The following PILRA variants were observed in gnomAD, a reference collection of about 807,000 sequenced individuals.
The protein encoded by PILRA is paired immunoglobin like type 2 receptor alpha.
PILRA carries 37 observed loss-of-function variants against 33.1 expected under a neutral mutation model. The ratio of observed to expected loss-of-function variants is 1.12; its 90% CI spans 0.86 to 1.47. The LOEUF (loss-of-function observed/expected upper bound fraction) is 1.47, where lower values mean the gene tolerates loss of function less well. Among genes scored for constraint, PILRA ranks in the 40% most tolerant of loss-of-function variants. The probability of loss-of-function intolerance (pLI) is 0.00; values close to 1 mark genes in which losing one functional copy is unlikely to be tolerated. For synonymous variants in PILRA, 146 were observed against 149.9 expected, an observed-to-expected ratio of 0.97 and a Z score of 0.19; for missense variants, 312 against 376.2, an observed-to-expected ratio of 0.83 and a Z score of 1.41.
intron 2 of PILRA, among the ~76,000 whole-genome samples, chr7:100,377,193 C>G (rs147586405): frequency 3.3e-4 from 50 of 150,442 alleles, no homozygotes; most frequent in African/African-American, 1.2e-3. Flanking sequence ...CTTTTGTAAC[C>G]AAACCTAATT....
chr7:100,373,968 A>G lies in PILRA; in HGVS notation c.65-76A>G, dbSNP rs1291518126. 6 of 1,553,146 alleles carry G rather than the reference A, an allele frequency of 3.9e-6. No homozygotes were observed. In the African/African-American group the frequency reaches 6.8e-5, roughly 18 times the overall value. ...GACTGCCTGTGGGTGAAGGTGCGGG[A>G]GGGTCTGGGGTCACCCTCTTTGTGT... is the stretch of plus-strand genomic sequence containing the variant. On this transcript the variant is annotated intron_variant, in intron 1 of 6. Transcript: ENST00000198536.
rs900723988 is a variant in PILRA at position 100,399,842 on chromosome 7, C to T, written c.847C>T (p.Pro283Ser). ...ALSSSTSPRA[P>S]PSHRPLKSPQ... ...CTCCAGCTCCACCTCACCCAGAGCACCTCCCAGCCACCGTCCCCTCAAGAG... is the reference window on the plus strand; with the variant it reads ...CTCCAGCTCCACCTCACCCAGAGCATCTCCCAGCCACCGTCCCCTCAAGAG... The change falls in exon 7 of 7, where the codon CCT becomes TCT. Residue 283 changes from proline to serine, a missense_variant. Coordinates refer to ENST00000198536, the MANE Select transcript of PILRA (RefSeq NM_013439.3). 3.1e-6 allele frequency: 5 copies of T among 1,613,800 alleles called. No homozygotes were observed. Among genetic ancestry groups the T allele is most frequent in the Non-Finnish European group, 4.2e-6 (5 of 1,179,832 alleles).
chr7:100,377,706 A>C (rs1790987312), intron 2 of PILRA, among the ~76,000 whole-genome samples: 1 of 152,142 alleles, frequency 6.6e-6, no homozygotes, highest in South Asian at 2.1e-4. Flanking sequence ...AGATCGCATC[A>C]CTGCACTCCA....
At chr7:100,381,634 G>A (rs1791096409) in intron 2 of PILRA, among the ~76,000 whole-genome samples, 1 of 152,238 alleles carries the variant, frequency 6.6e-6, no homozygotes, top group South Asian at 2.1e-4. Context: ...GGCCGCACTT[G>A]AAGAGCCCTT....
intron 2 of PILRA, among the ~76,000 whole-genome samples, chr7:100,380,768 C>T (rs1250923151): frequency 1.3e-5 from 2 of 152,040 alleles, no homozygotes; most frequent in African/African-American, 4.8e-5. Flanking sequence ...AAGTCGAGAC[C>T]AGCCTGGCCA....
rs779275754 is a variant in PILRA, at chr7:100,374,343, G to T, written c.364G>T (p.Val122Leu). The T allele has an allele frequency of 6.2e-7, 1 of 1,614,126 alleles. No individual in the cohort carries two copies. Among genetic ancestry groups the T allele is most frequent in the Middle Eastern group, 1.6e-4 (1 of 6,062 alleles). ...ISNLQKQDQSVYFCRVELDTR... is the reference protein window; with the variant it reads ...ISNLQKQDQSLYFCRVELDTR... ...CAACCTGCAGAAGCAGGACCAGTCT[G>T]TGTATTTCTGCCGAGTTGAGCTGGA... is the stretch of plus-strand genomic sequence containing the variant. Residue 122 changes from valine (V) to leucine (L), a missense_variant, in exon 2 of 7, where the codon GTG becomes TTG. Physicochemically the swap from Val to Leu is conservative, Grantham distance 32. Coordinates refer to ENST00000198536, the MANE Select transcript of PILRA (RefSeq NM_013439.3).
At chr7:100,381,048 C>T (rs545645951) in intron 2 of PILRA, among the ~76,000 whole-genome samples, 1 of 152,052 alleles carries the variant, frequency 6.6e-6, no homozygotes, top group South Asian at 2.1e-4. Context: ...GGGTGGATCA[C>T]GAGGTCAGGA....
chr7:100,397,331 A>ATGGGAGGGGCAGGACT (rs2130242264), intron 3 of PILRA, among the ~76,000 whole-genome samples: 1 of 152,150 alleles, frequency 6.6e-6, no homozygotes, highest in African/African-American at 2.4e-5. Flanking sequence ...GGGGCAGGAC[A>ATGGGAGGGGCAGGACT]CAATGGGAGA....
chr7:100,394,911 A>G (rs1791464167), intron 3 of PILRA, among the ~76,000 whole-genome samples: 2 of 152,136 alleles, frequency 1.3e-5, no homozygotes, highest in South Asian at 2.1e-4. Flanking sequence ...GTTTGGCAAT[A>G]ATTTCTTGCC....
chr7:100,389,932 T>C lies in PILRA; in HGVS notation c.499T>C (p.Trp167Arg). ...GAGGCCCAGCAGCATGACTACCACC[T>C]GGAGGCTCAGTAGCACAACCACCAC... ...TQRPSSMTTT[W>R]RLSSTTTTTG... Residue 167 changes from tryptophan (W) to arginine (R), a missense_variant, in exon 3 of 7, where the codon TGG becomes CGG. Coordinates refer to ENST00000198536, the MANE Select transcript of PILRA (RefSeq NM_013439.3). 1.2e-6 allele frequency: 2 copies of C among 1,613,808 alleles called. No homozygotes were observed. Among genetic ancestry groups the C allele is most frequent in the Non-Finnish European group, 8.5e-7 (1 of 1,179,916 alleles).
At chr7:100,382,001 A>ACCCCCCCCCCCCCCCCCCCCC (rs1181591005) in intron 2 of PILRA, among the ~76,000 whole-genome samples, 1 of 97,660 alleles carries the variant, frequency 1.0e-5, no homozygotes, top group African/African-American at 3.9e-5. Flanking sequence ...CTCAGTCCCC[A>ACCCCCCCCCCCCCCCCCCCCC]CCCCCACCCC....
At chr7:100,396,411 G>A (rs1007536269) in intron 3 of PILRA, among the ~76,000 whole-genome samples, 1 of 152,144 alleles carries the variant, frequency 6.6e-6, no homozygotes, top group Non-Finnish European at 1.5e-5. Flanking sequence ...CCAGCACTTT[G>A]GGAGGCCAAG....
chr7:100,373,474 G>A, upstream of PILRA: 2 of 663,680 alleles, frequency 3.0e-6, no homozygotes, highest in Non-Finnish European at 5.3e-6. Context: ...GATGGATAAA[G>A]GAAGTGCTGG....
intron 3 of PILRA, among the ~76,000 whole-genome samples, chr7:100,395,601 T>C (rs1248055511): frequency 6.6e-6 from 1 of 152,068 alleles, no homozygotes; most frequent in Non-Finnish European, 1.5e-5. Context: ...TAAGACAGTA[T>C]ACAAATCACC....
rs2130256126 is a variant in PILRA at position 100,399,801 on chromosome 7, A to G, written c.806A>G (p.Tyr269Cys). ...CTCGCCCAGGATGACGGCATCGTCT[A>G]TGCTTCCCTTGCCCTCTCCAGCTCC... ...KLNPKDDGIV[Y>C]ASLALSSSTS... The change falls in exon 7 of 7, where the codon TAT becomes TGT. Residue 269 changes from tyrosine (Y) to cysteine (C), a missense_variant. Coordinates refer to ENST00000198536, the MANE Select transcript of PILRA (RefSeq NM_013439.3). The G allele has an allele frequency of 1.2e-6, 2 of 1,611,548 alleles. No homozygotes were observed. Among genetic ancestry groups the G allele is most frequent in the East Asian group, 2.2e-5 (1 of 44,872 alleles).
intron 3 of PILRA, among the ~76,000 whole-genome samples, chr7:100,394,551 G>C (rs1006562618): frequency 6.5e-5 from 9 of 138,798 alleles, no homozygotes; most frequent in Non-Finnish European, 9.0e-5. Context: ...CCGAGATTGT[G>C]CTACTGCACT....
rs3823644 is a variant in PILRA at position 100,388,296 on chromosome 7, T to C, written c.455-1592T>C. Among the ~76,000 whole-genome samples, 691 of 152,314 alleles carry C rather than the reference T, an allele frequency of 4.5e-3. 28 individuals are homozygous for C. The East Asian group carries it at 0.078, about 17-fold the overall frequency. ...TTTTTTGTCCTGTGGCTGAGTACTA[T>C]GTCAATTTTTTAAGGGTGCGTGAAA... is the stretch of plus-strand genomic sequence containing the variant. On this transcript the variant is annotated intron_variant, in intron 2 of 6. Transcript: ENST00000198536.
At chr7:100,371,684 G>A (rs1790817315), upstream of PILRA, among the ~76,000 whole-genome samples, 1 of 152,190 alleles carries the variant, frequency 6.6e-6, no homozygotes, top group Non-Finnish European at 1.5e-5. Context: ...TGCCCACATT[G>A]GAATCATGCC....
intron 3 of PILRA, among the ~76,000 whole-genome samples, chr7:100,391,727 G>A (rs1791393699): frequency 1.3e-5 from 2 of 152,158 alleles, no homozygotes; most frequent in South Asian, 4.1e-4. Context: ...TTGATGTAGG[G>A]GCGAGGGAGC....
Sources: gnomAD v4.1 joint callset for allele counts (sites outside exome capture counted in the v4.1 genomes callset) on GRCh38, gnomAD v4.1.1 for gene constraint, MANE v1.5 for transcripts, NCBI Gene and HGNC (gene_info 2026-07-23, HGNC 2026-07-21) for gene names.